Variants in TCF4 observed in about 807,000 individuals in gnomAD.
The protein encoded by TCF4 is SL3-3 enhancer factor 2.
In TCF4, 3 loss-of-function variants were observed where a neutral mutation model predicts 82.1. The observed-to-expected ratio is 0.04, with a 90% CI of 0.02 to 0.09. The LOEUF is 0.09. Among genes scored for constraint, TCF4 ranks in the 10% least tolerant of loss-of-function variants. The pLI, the probability that TCF4 is intolerant of heterozygous loss-of-function variation, is 1.00. For synonymous variants in TCF4, 276 were observed against 309.6 expected (o/e 0.89, Z 1.14); for missense variants, 518 against 852.7 (o/e 0.61, Z 4.89).
chr18:55,288,481 G>A (rs954861074), intron 8 of TCF4, among the ~76,000 whole-genome samples: 3 of 152,148 alleles, frequency 2.0e-5, no homozygotes, highest in South Asian at 2.1e-4. Flanking sequence ...TCAAAACCAC[G>A]TAGTCTTGTT....
At chr18:55,329,134 G>A (rs1016451675) in intron 8 of TCF4, among the ~76,000 whole-genome samples, 4 of 152,176 alleles carry the variant, frequency 2.6e-5, no homozygotes, top group Admixed American at 1.3e-4. Flanking sequence ...AGCATCCAAC[G>A]TACATCCATC....
intron 3 of TCF4, among the ~76,000 whole-genome samples, chr18:55,546,397 T>A (rs1011504900): frequency 6.6e-6 from 1 of 152,084 alleles, no homozygotes; most frequent in African/African-American, 2.4e-5. Flanking sequence ...AGAATAATTA[T>A]GAATTAAATA....
chr18:55,578,475 T>C (rs958201474), intron 3 of TCF4, among the ~76,000 whole-genome samples: 3 of 152,106 alleles, frequency 2.0e-5, no homozygotes, highest in African/African-American at 7.2e-5. Context: ...AAGTCTCTTA[T>C]AAATGTAAAT....
chr18:55,392,185 G>A (rs113229164), intron 6 of TCF4, among the ~76,000 whole-genome samples: 9 of 150,824 alleles, frequency 6.0e-5, no homozygotes, highest in Admixed American at 4.6e-4. Flanking sequence ...GGCTGGTCTC[G>A]AACTCCTGTC....
chr18:55,293,827 T>C (rs919348133), intron 8 of TCF4, among the ~76,000 whole-genome samples: 2 of 151,570 alleles, frequency 1.3e-5, no homozygotes, highest in African/African-American at 4.8e-5. Context: ...CCAAACAGGA[T>C]TGTGTACTAA....
intron 5 of TCF4, among the ~76,000 whole-genome samples, chr18:55,454,417 T>C (rs541978675): frequency 3.9e-5 from 6 of 152,286 alleles, no homozygotes; most frequent in Admixed American, 3.9e-4. Flanking sequence ...GTTTAAACCC[T>C]ATCTATCTAA....
intron 6 of TCF4, among the ~76,000 whole-genome samples, chr18:55,370,644 A>G (rs939974642): frequency 6.6e-6 from 1 of 152,152 alleles, no homozygotes; most frequent in Non-Finnish European, 1.5e-5. Context: ...GACTGTACAT[A>G]TAGTGCAAAT....
intron 8 of TCF4, among the ~76,000 whole-genome samples, chr18:55,340,025 A>T (rs915349296): frequency 1.3e-5 from 2 of 152,220 alleles, no homozygotes; most frequent in African/African-American, 4.8e-5. Flanking sequence ...TCATCTTGCC[A>T]GGCAAAGCTA....
chr18:55,535,202 G>T (rs1156567966), intron 3 of TCF4, among the ~76,000 whole-genome samples: 1 of 152,166 alleles, frequency 6.6e-6, no homozygotes, highest in African/African-American at 2.4e-5. Flanking sequence ...TTCAGGGTTC[G>T]TGCTCTCTTT....
chr18:55,550,442 C>T (rs1372374260), intron 3 of TCF4: 1 of 152,162 alleles, frequency 6.6e-6, no homozygotes, highest in Non-Finnish European at 1.5e-5. Context: ...CCTCCAATCC[C>T]TGTTGCTGAT....
chr18:55,552,858 T>C lies in TCF4; in HGVS notation c.145+32422A>G, dbSNP rs147460822. ...TTAAATGTTGTTTGATGAGAGTCAT[T>C]AGACATTTAAATCAGAAATGAATGG... On this transcript the variant is annotated intron_variant, in intron 3 of 19. Coordinates refer to ENST00000354452, the MANE Select transcript of TCF4 (RefSeq NM_001083962.2). Among the ~76,000 whole-genome samples, 4 of 152,338 alleles carry C rather than the reference T, an allele frequency of 2.6e-5. No individual in the cohort carries two copies. The East Asian group carries it at 7.7e-4, about 29-fold the overall frequency.
chr18:55,473,662 C>A (rs2096233417), intron 3 of TCF4, among the ~76,000 whole-genome samples: 1 of 152,128 alleles, frequency 6.6e-6, no homozygotes, highest in South Asian at 2.1e-4. Context: ...TAGTTTTAGG[C>A]CAATTTTCTC....
intron 14 of TCF4, among the ~76,000 whole-genome samples, chr18:55,257,089 C>T (rs916441963): frequency 4.6e-5 from 7 of 152,102 alleles, no homozygotes; most frequent in Non-Finnish European, 1.0e-4. Flanking sequence ...TTATCTGCTA[C>T]TAGATATTTA....
Position 55,275,631 on chromosome 18 carries a change from T to G in TCF4, c.777A>C (p.Pro259=). ...ATGTCTGCCTTACCAAACGTTCATG[T>G]GGATGCAGGCTACAGTAGCTGCTGG... ...PQSSSYCSLH[P]HERLSYPSHS... The change falls in exon 10 of 20, where the codon CCA becomes CCC. Residue 259 remains proline, a synonymous_variant. Coordinates refer to ENST00000354452, the MANE Select transcript of TCF4 (RefSeq NM_001083962.2). 6.2e-7 allele frequency: 1 copy of G among 1,613,816 alleles called. No homozygotes were observed. The highest frequency in any genetic ancestry group is 8.5e-7 in the Non-Finnish European group (1 of 1,179,764).
At chr18:55,528,653 C>T (rs577583347) in intron 3 of TCF4, among the ~76,000 whole-genome samples, 13 of 152,310 alleles carry the variant, frequency 8.5e-5, no homozygotes, top group African/African-American at 2.9e-4. Context: ...AAAAATACTA[C>T]ATATAAGTGA....
chr18:55,603,225 G>C (rs1317643571), intron 2 of TCF4, among the ~76,000 whole-genome samples: 2 of 152,096 alleles, frequency 1.3e-5, no homozygotes, highest in African/African-American at 2.4e-5. Context: ...CCAAATGCCC[G>C]TAGTCACCCT....
At chr18:55,539,731 T>A (rs2097148852) in intron 3 of TCF4, among the ~76,000 whole-genome samples, 2 of 152,048 alleles carry the variant, frequency 1.3e-5, no homozygotes, top group East Asian at 3.8e-4. Flanking sequence ...AAAGTGTTAA[T>A]ACAGACAAAA....
chr18:55,504,812 T>C (rs979227076), intron 3 of TCF4, among the ~76,000 whole-genome samples: 3 of 152,136 alleles, frequency 2.0e-5, no homozygotes, highest in Non-Finnish European at 2.9e-5. Context: ...AATCGAAGTA[T>C]TAAAACAAAA....
intron 15 of TCF4, among the ~76,000 whole-genome samples, chr18:55,238,044 A>C (rs914632428): frequency 6.6e-6 from 1 of 152,250 alleles, no homozygotes; most frequent in Non-Finnish European, 1.5e-5. Context: ...GTCTGCTTCA[A>C]AATGAGCTGG....
Sources: gnomAD v4.1 joint callset for allele counts (sites outside exome capture counted in the v4.1 genomes callset) on GRCh38, gnomAD v4.1.1 for gene constraint, MANE v1.5 for transcripts, NCBI Gene and HGNC (gene_info 2026-07-23, HGNC 2026-07-21) for gene names.